SLC35F1: variants seen among roughly 807,000 people sequenced by gnomAD.
SLC35F1 encodes solute carrier family 35 member F1, also known as chromosome 6 open reading frame 169.
In SLC35F1, 14 loss-of-function variants were observed where a neutral mutation model predicts 48.7. The observed-to-expected ratio is 0.29, with a 90% CI of 0.19 to 0.45. SLC35F1 has a LOEUF of 0.45. Ranked by LOEUF, SLC35F1 falls within the 20% of genes least tolerant of loss-of-function variation. The pLI, the probability that SLC35F1 is intolerant of heterozygous loss-of-function variation, is 1.00. For synonymous variants in SLC35F1, 190 were observed against 202.2 expected (o/e 0.94, Z 0.51); for missense variants, 404 against 500.0 (o/e 0.81, Z 1.83).
intron 1 of SLC35F1, among the ~76,000 whole-genome samples, chr6:117,998,039 G>C (rs1249099722): frequency 3.3e-4 from 49 of 147,964 alleles, no homozygotes; most frequent in Admixed American, 1.7e-3. Context: ...CATCTCACGT[G>C]CAGAGACACA....
At chr6:118,271,357 T>C (rs1232441426) in intron 4 of SLC35F1, among the ~76,000 whole-genome samples, 1 of 152,166 alleles carries the variant, frequency 6.6e-6, no homozygotes, top group Non-Finnish European at 1.5e-5. Flanking sequence ...AATTGTGACT[T>C]CTACAACAAA....
intron 1 of SLC35F1, among the ~76,000 whole-genome samples, chr6:118,023,245 A>C (rs1687909427): frequency 6.6e-6 from 1 of 152,198 alleles, no homozygotes; most frequent in African/African-American, 2.4e-5. Flanking sequence ...CCAGCTGCAT[A>C]ATTTGCTGGA....
intron 1 of SLC35F1, among the ~76,000 whole-genome samples, chr6:118,012,490 T>C (rs1315145163): frequency 6.6e-6 from 1 of 152,180 alleles, no homozygotes; most frequent in African/African-American, 2.4e-5. Context: ...TGAGATGCCA[T>C]GCTTTGAGAG....
At chr6:117,994,572 A>G (rs1389923485) in intron 1 of SLC35F1, among the ~76,000 whole-genome samples, 2 of 152,198 alleles carry the variant, frequency 1.3e-5, no homozygotes, top group Non-Finnish European at 2.9e-5. Context: ...TAGTAGCCCT[A>G]TTTTATAAGT....
At chr6:118,040,317 C>G (rs1772195369) in intron 1 of SLC35F1, among the ~76,000 whole-genome samples, 1 of 152,134 alleles carries the variant, frequency 6.6e-6, no homozygotes, top group African/African-American at 2.4e-5. Context: ...AAACTAATCC[C>G]CATACTGAGT....
intron 1 of SLC35F1, among the ~76,000 whole-genome samples, chr6:118,151,446 C>G (rs1213059428): frequency 6.6e-6 from 1 of 152,154 alleles, no homozygotes; most frequent in East Asian, 1.9e-4. Flanking sequence ...TATTGTTTCT[C>G]CACTAAAACC....
intron 3 of SLC35F1, among the ~76,000 whole-genome samples, chr6:118,241,578 CGTGTGTGTGT>C (rs10570595): frequency 6.8e-6 from 1 of 147,372 alleles, no homozygotes. Context: ...TTTTTACCTT[CGTGTGTGTGT>C]GTGTGTGTGT....
intron 1 of SLC35F1, among the ~76,000 whole-genome samples, chr6:118,125,902 GGCTATTGCCCGTGGATAATC>G (rs1487634303): frequency 2.0e-5 from 3 of 152,212 alleles, no homozygotes; most frequent in Admixed American, 6.5e-5. Context: ...GCAGCTCTTG[GGCTATTGCCCGTGGATAATC>G]GCTGTTCTTT....
At chr6:118,149,770 T>G (rs1774028266) in intron 1 of SLC35F1, among the ~76,000 whole-genome samples, 1 of 152,202 alleles carries the variant, frequency 6.6e-6, no homozygotes, top group South Asian at 2.1e-4. Flanking sequence ...ACAGCAGACT[T>G]GATGTTTTGT....
At chr6:118,206,378 C>G (rs1774936060) in intron 2 of SLC35F1, among the ~76,000 whole-genome samples, 1 of 151,996 alleles carries the variant, frequency 6.6e-6, no homozygotes, top group African/African-American at 2.4e-5. Context: ...GGGGTTATAC[C>G]CATTCCTTCC....
At chr6:118,147,615 A>T (rs542232161) in intron 1 of SLC35F1, among the ~76,000 whole-genome samples, 20 of 152,150 alleles carry the variant, frequency 1.3e-4, no homozygotes, top group Non-Finnish European at 2.5e-4. Context: ...TAGTTAGTGG[A>T]ACTCATGGAG....
At chr6:117,924,926 G>T (rs894857481) in intron 1 of SLC35F1, among the ~76,000 whole-genome samples, 1 of 152,152 alleles carries the variant, frequency 6.6e-6, no homozygotes, top group Non-Finnish European at 1.5e-5. Context: ...AAGCATGTCT[G>T]CAGAAGAAGA....
At chr6:117,971,014 A>C (rs1158574863) in intron 1 of SLC35F1, among the ~76,000 whole-genome samples, 2 of 152,160 alleles carry the variant, frequency 1.3e-5, no homozygotes, top group African/African-American at 4.8e-5. Flanking sequence ...TTATTCCATC[A>C]TTAATCCAAA....
intron 1 of SLC35F1, among the ~76,000 whole-genome samples, chr6:117,948,352 C>G (rs1257338283): frequency 6.6e-6 from 1 of 152,078 alleles, no homozygotes; most frequent in African/African-American, 2.4e-5. Flanking sequence ...TAAAGAGTAC[C>G]TACTCCTTTA....
At chr6:118,297,264 G>T (rs1258035999) in intron 7 of SLC35F1, among the ~76,000 whole-genome samples, 2 of 151,964 alleles carry the variant, frequency 1.3e-5, no homozygotes, top group African/African-American at 2.4e-5. Context: ...TACTACATTT[G>T]CTGTACCACC....
intron 1 of SLC35F1, among the ~76,000 whole-genome samples, chr6:118,151,757 T>A (rs1319874061): frequency 6.6e-6 from 1 of 152,198 alleles, no homozygotes; most frequent in Non-Finnish European, 1.5e-5. Flanking sequence ...ATTCAAGTGA[T>A]CTTCCTGCCT....
chr6:118,016,835 T>G (rs1390284118), intron 1 of SLC35F1, among the ~76,000 whole-genome samples: 1 of 152,218 alleles, frequency 6.6e-6, no homozygotes. Context: ...AATGAATATT[T>G]TCAAAAGGAA....
intron 7 of SLC35F1, among the ~76,000 whole-genome samples, chr6:118,309,362 TAC>T (rs1210728198): frequency 2.0e-5 from 3 of 152,144 alleles, no homozygotes; most frequent in South Asian, 2.1e-4. Flanking sequence ...AAAGCTGTAT[TAC>T]ACAGAGACAT....
chr6:118,114,600 T>C (rs1773452568), intron 1 of SLC35F1, among the ~76,000 whole-genome samples: 1 of 151,972 alleles, frequency 6.6e-6, no homozygotes, highest in South Asian at 2.1e-4. Flanking sequence ...ATGGTCTTGA[T>C]CTCCTGACCT....
Sources: allele counts gnomAD v4.1 joint callset (sites outside exome capture counted in the v4.1 genomes callset), GRCh38; gene constraint gnomAD v4.1.1; transcripts MANE v1.5; gene names NCBI Gene and HGNC (gene_info 2026-07-23, HGNC 2026-07-21).